The following C9orf153 variants were observed in gnomAD, a reference collection of about 807,000 sequenced individuals.
C9orf153 encodes the protein uncharacterized protein C9orf153.
C9orf153 carries 10 observed loss-of-function variants against 9.0 expected under a neutral mutation model. That is an observed-to-expected ratio of 1.11 (90% CI 0.69 to 1.89). The LOEUF is 1.89. Among genes scored for constraint, C9orf153 ranks in the 40% most tolerant of loss-of-function variants. The pLI is 0.00. For synonymous variants in C9orf153, 35 were observed against 37.3 expected, an observed-to-expected ratio of 0.94 and a Z score of 0.23; for missense variants, 108 against 111.0, an observed-to-expected ratio of 0.97 and a Z score of 0.12.
rs1824171835 is a variant in C9orf153, at chr9:86,220,430, G to A, written c.*1258C>T. ...GGATAGTAAACATTTTTAGGCCCAT[G>A]TATTTTTTAACATTTTTATTTTACC... On this transcript the variant is annotated 3_prime_UTR_variant, in exon 4 of 4. Coordinates refer to ENST00000339137, the MANE Select transcript of C9orf153 (RefSeq NM_001276366.4). 1 of 152,000 alleles carries A rather than the reference G, an allele frequency of 6.6e-6. No individual in the cohort carries two copies. The highest frequency in any genetic ancestry group is 1.5e-5 in the Non-Finnish European group (1 of 68,000). The allele number at this position is 152,000 out of a possible 1,614,324, so 9.4% of individuals were successfully genotyped here. A position where few individuals can be genotyped will look rare whatever the true frequency, so the allele number is the denominator to read the frequency against.
Position 86,256,808 on chromosome 9 carries a change from T to C in C9orf153, c.-27+2742A>G, listed in dbSNP as rs537388273. Among the ~76,000 whole-genome samples, 11 of 152,294 alleles carry C rather than the reference T, an allele frequency of 7.2e-5. No individual in the cohort carries two copies. In the East Asian group the frequency reaches 1.7e-3, roughly 24 times the overall value. ...AGTTGCACAATGTGACCCTCACCCA[T>C]ATCTTCATTTTTCTGGAATTTGTGA... On this transcript the variant is annotated intron_variant, in intron 1 of 3. Transcript: ENST00000339137.
At chr9:86,229,705 T>C in intron 1 of C9orf153, 76 bp from the exon 2 acceptor site, 1 of 792,232 alleles carries the variant, frequency 1.3e-6, no homozygotes, top group Admixed American at 2.6e-5. Context: ...GAGGTGAGAC[T>C]TCTTAAATCT....
Position 86,221,731 on chromosome 9 carries a change from T to C in C9orf153, c.245A>G (p.Lys82Arg), listed in dbSNP as rs1824207957. ...AGATCCCTTAGATTCATGAATTGTTTTCCTGAAAAGAATCATATTTTCAAA... is the reference window on the plus strand; with the variant it reads ...AGATCCCTTAGATTCATGAATTGTTCTCCTGAAAAGAATCATATTTTCAAA... ...VRGDLQPVIR[K>R]TIHESKGSGM... is the part of the protein sequence containing the mutation. The change falls in exon 4 of 4, where the codon AAA (lysine) becomes AGA (arginine). Residue 82 changes from lysine to arginine, a missense_variant and splice_region_variant. By Grantham distance (26) the Lys-to-Arg change is conservative (BLOSUM62 2). Transcript: ENST00000339137. 1.3e-6 allele frequency: 2 copies of C among 1,539,734 alleles called. No homozygotes were observed. The highest frequency in any genetic ancestry group is 2.0e-5 in the Admixed American group (1 of 50,850).
intron 1 of C9orf153, among the ~76,000 whole-genome samples, chr9:86,233,939 T>C (rs1824524526): frequency 6.6e-6 from 1 of 151,974 alleles, no homozygotes; most frequent in Admixed American, 6.6e-5. Context: ...AAAAATTAGC[T>C]GGGCATGGTG....
chr9:86,233,962 A>C (rs1274103982), intron 1 of C9orf153, among the ~76,000 whole-genome samples: 1 of 152,044 alleles, frequency 6.6e-6, no homozygotes, highest in African/African-American at 2.4e-5. Context: ...GCATCCCTGT[A>C]GTCCCAGCTA....
intron 1 of C9orf153, among the ~76,000 whole-genome samples, chr9:86,257,284 C>T (rs1004780976): frequency 2.6e-5 from 4 of 152,184 alleles, no homozygotes; most frequent in African/African-American, 7.2e-5. Context: ...CTCACTGCAG[C>T]GATTACTGGG....
chr9:86,238,548 TATA>T (rs1176068532), intron 1 of C9orf153, among the ~76,000 whole-genome samples: 2 of 152,186 alleles, frequency 1.3e-5, no homozygotes, highest in Non-Finnish European at 2.9e-5. Context: ...AGTGAAGGCT[TATA>T]TATTCATTTT....
At chr9:86,225,650 G>A (rs1022973520) in intron 3 of C9orf153, among the ~76,000 whole-genome samples, 1 of 151,936 alleles carries the variant, frequency 6.6e-6, no homozygotes, top group Admixed American at 6.6e-5. Context: ...TAGTAGAGAC[G>A]GGGTTTCACC....
intron 1 of C9orf153, among the ~76,000 whole-genome samples, chr9:86,238,166 G>C (rs534250288): frequency 1.3e-5 from 2 of 152,190 alleles, no homozygotes; most frequent in Admixed American, 6.5e-5. Flanking sequence ...GAAGAAAATA[G>C]AGGGACCCAC....
At chr9:86,245,390 T>C (rs931942676) in intron 1 of C9orf153, among the ~76,000 whole-genome samples, 1 of 152,182 alleles carries the variant, frequency 6.6e-6, no homozygotes, top group African/African-American at 2.4e-5. Flanking sequence ...TGAAACCTTA[T>C]ACCCACTGAA....
intron 1 of C9orf153, among the ~76,000 whole-genome samples, chr9:86,232,930 G>A (rs995428825): frequency 6.6e-6 from 1 of 151,788 alleles, no homozygotes; most frequent in Admixed American, 6.6e-5. Context: ...ACAGGGTTTT[G>A]CCATGTTGCC....
intron 1 of C9orf153, among the ~76,000 whole-genome samples, chr9:86,256,069 A>AT: frequency 6.6e-6 from 1 of 152,394 alleles, no homozygotes; most frequent in East Asian, 1.9e-4. Context: ...ATTCTACAGC[A>AT]TTCTGGAATC....
At chr9:86,254,882 T>C (rs1825079391) in intron 1 of C9orf153, among the ~76,000 whole-genome samples, 1 of 152,048 alleles carries the variant, frequency 6.6e-6, no homozygotes, top group South Asian at 2.1e-4. Flanking sequence ...CTGGCAAACA[T>C]GGTGAAACCC....
At chr9:86,236,587 CT>C (rs1824598314) in intron 1 of C9orf153, among the ~76,000 whole-genome samples, 1 of 149,758 alleles carries the variant, frequency 6.7e-6, no homozygotes, top group African/African-American at 2.5e-5. Context: ...AATAGAGGTG[CT>C]TTCTCAGGAA....
chr9:86,238,265 G>A (rs1283782720), intron 1 of C9orf153, among the ~76,000 whole-genome samples: 2 of 152,110 alleles, frequency 1.3e-5, no homozygotes, highest in Non-Finnish European at 2.9e-5. Flanking sequence ...TGAACTGAAC[G>A]GTCCCATCAA....
At chr9:86,247,366 T>C (rs1464336381) in intron 1 of C9orf153, among the ~76,000 whole-genome samples, 1 of 152,182 alleles carries the variant, frequency 6.6e-6, no homozygotes. Context: ...TTCTATTTTG[T>C]TTTCATTCAC....
intron 3 of C9orf153, among the ~76,000 whole-genome samples, chr9:86,226,552 TA>T (rs1294120264): frequency 6.6e-6 from 1 of 152,126 alleles, no homozygotes; most frequent in Non-Finnish European, 1.5e-5. Flanking sequence ...ACTTTTAATA[TA>T]AAAATGGTGG....
At chr9:86,257,464 C>T (rs1035555351) in intron 1 of C9orf153, among the ~76,000 whole-genome samples, 5 of 152,174 alleles carry the variant, frequency 3.3e-5, no homozygotes, top group Admixed American at 1.3e-4. Flanking sequence ...AAGACATCTG[C>T]CCCTTTTTCA....
chr9:86,234,979 G>T (rs1268519921), intron 1 of C9orf153, among the ~76,000 whole-genome samples: 1 of 152,120 alleles, frequency 6.6e-6, no homozygotes, highest in Non-Finnish European at 1.5e-5. Context: ...AAGGTCACAG[G>T]GCAAATTGCT....
Sources: gnomAD v4.1 joint callset for allele counts (sites outside exome capture counted in the v4.1 genomes callset) on GRCh38, gnomAD v4.1.1 for gene constraint, MANE v1.5 for transcripts, NCBI Gene and HGNC (gene_info 2026-07-23, HGNC 2026-07-21) for gene names.